WDFY2: variants seen among roughly 807,000 people sequenced by gnomAD.
WDFY2 encodes WD repeat and FYVE domain-containing protein 2.
In WDFY2, 36 loss-of-function variants were observed where a neutral mutation model predicts 56.4. The observed-to-expected ratio is 0.64, with a 90% CI of 0.49 to 0.84. WDFY2 has a LOEUF of 0.84. Among genes scored for constraint, WDFY2 ranks in the 40% least tolerant of loss-of-function variants. The pLI, the probability that WDFY2 is intolerant of heterozygous loss-of-function variation, is 0.00. For missense variants in WDFY2, 444 were observed against 512.2 expected (o/e 0.87, Z 1.29); for synonymous variants, 176 against 183.7 (o/e 0.96, Z 0.34).
rs1445467399 is a variant in WDFY2, at chr13:51,739,109, A to T, written c.659A>T (p.Asp220Val). ...VQRVLFSGSSDHSVIMWDIGG... is the reference protein window; with the variant it reads ...VQRVLFSGSSVHSVIMWDIGG... ...CGGGTGTTGTTCTCAGGCAGTTCAG[A>T]TCACTCTGTCATCATGTGGGACATC... Residue 220 changes from aspartate to valine, a missense_variant, in exon 7 of 12, where the codon GAT (aspartate) becomes GTT (valine). Physicochemically the swap from Asp to Val is radical, Grantham distance 152 (BLOSUM62 -3). Transcript: ENST00000298125. 1 of 1,603,416 alleles carries T rather than the reference A, an allele frequency of 6.2e-7. No individual in the cohort carries two copies. The highest frequency in any genetic ancestry group is 1.3e-5 in the African/African-American group (1 of 74,618).
chr13:51,757,568 T>C (rs1200828878), intron 10 of WDFY2, among the ~76,000 whole-genome samples: 1 of 151,676 alleles, frequency 6.6e-6, no homozygotes, highest in Non-Finnish European at 1.5e-5. Flanking sequence ...CTGTTTCTTC[T>C]GCCTCTTCTC....
At chr13:51,639,536 C>G (rs1955117073) in intron 1 of WDFY2, among the ~76,000 whole-genome samples, 2 of 151,704 alleles carry the variant, frequency 1.3e-5, no homozygotes, top group South Asian at 4.2e-4. Flanking sequence ...TGTTTTATAC[C>G]TCCTTTGTAT....
chr13:51,681,110 C>T (rs77740180), intron 3 of WDFY2, among the ~76,000 whole-genome samples: 7,705 of 152,202 alleles, frequency 0.051, 244 homozygotes, highest in Middle Eastern at 0.085. Context: ...TCATGTTCTA[C>T]GGTGACGACA....
chr13:51,584,641 C>T lies in WDFY2; in HGVS notation c.-47C>T. 1.3e-6 allele frequency: 2 copies of T among 1,583,626 alleles called. No homozygotes were observed. Among genetic ancestry groups the T allele is most frequent in the Non-Finnish European group, 1.7e-6 (2 of 1,168,032 alleles). On this transcript the variant is annotated 5_prime_UTR_variant, in exon 1 of 12. Coordinates refer to ENST00000298125, the MANE Select transcript of WDFY2 (RefSeq NM_052950.4). ...GCTCCAGCAGTCTCCTCAGCCCGGC[C>T]CCGCGGCGCGGTTGGCGGCGGCGCC...
At chr13:51,701,649 T>G (rs1951987388) in intron 3 of WDFY2, among the ~76,000 whole-genome samples, 1 of 152,010 alleles carries the variant, frequency 6.6e-6, no homozygotes, top group African/African-American at 2.4e-5. Flanking sequence ...AGTGAACTGG[T>G]AATTTTATTT....
intron 4 of WDFY2, among the ~76,000 whole-genome samples, chr13:51,705,687 G>A (rs192501638): frequency 6.6e-6 from 1 of 152,030 alleles, no homozygotes; most frequent in Admixed American, 6.6e-5. Context: ...AGGGTAGATG[G>A]GGTATCTGTC....
At chr13:51,732,686 A>G (rs1356026340) in intron 6 of WDFY2, among the ~76,000 whole-genome samples, 1 of 152,248 alleles carries the variant, frequency 6.6e-6, no homozygotes, top group Non-Finnish European at 1.5e-5. Flanking sequence ...GCAAGTTCAT[A>G]TAGTTTAGAA....
chr13:51,706,250 G>A (rs995664225), intron 4 of WDFY2, among the ~76,000 whole-genome samples: 2 of 152,142 alleles, frequency 1.3e-5, no homozygotes, highest in Non-Finnish European at 2.9e-5. Flanking sequence ...CTAGGCTCAT[G>A]GGAGATACAA....
intron 1 of WDFY2, among the ~76,000 whole-genome samples, chr13:51,651,465 AT>A (rs1358279566): frequency 2.0e-5 from 3 of 151,970 alleles, no homozygotes; most frequent in African/African-American, 4.8e-5. Context: ...TAGCTTTTGA[AT>A]GTGTTTGCTC....
Position 51,617,480 on chromosome 13 carries a change from A to G in WDFY2, c.137+32656A>G, listed in dbSNP as rs539927993. Among the ~76,000 whole-genome samples the G allele has an allele frequency of 2.0e-5, 3 of 152,126 alleles. No individual in the cohort carries two copies. The South Asian group carries it at 6.2e-4, about 31-fold the overall frequency. On this transcript the variant is annotated intron_variant, in intron 1 of 11. Coordinates refer to ENST00000298125, the MANE Select transcript of WDFY2 (RefSeq NM_052950.4). The stretch of plus-strand genomic sequence containing the variant: ...CTTATTATGATGTTCATCATTCAGT[A>G]CAAAGTTGTCCTCATCTGGACATCA...
At chr13:51,629,442 GA>G (rs1333931167) in intron 1 of WDFY2, among the ~76,000 whole-genome samples, 1 of 152,142 alleles carries the variant, frequency 6.6e-6, no homozygotes, top group Admixed American at 6.5e-5. Context: ...AATTTAATAT[GA>G]CTTTGGAAGA....
At chr13:51,647,415 T>A (rs950196632) in intron 1 of WDFY2, among the ~76,000 whole-genome samples, 8 of 152,176 alleles carry the variant, frequency 5.3e-5, no homozygotes, top group African/African-American at 1.9e-4. Flanking sequence ...ATGGTGAGTA[T>A]GTGTGTATCT....
At chr13:51,708,634 A>G (rs1952142250) in intron 4 of WDFY2, among the ~76,000 whole-genome samples, 1 of 152,182 alleles carries the variant, frequency 6.6e-6, no homozygotes, top group Non-Finnish European at 1.5e-5. Context: ...GGGTGGAAAA[A>G]TATAAAACAA....
At chr13:51,629,829 T>TC (rs1420389588) in intron 1 of WDFY2, among the ~76,000 whole-genome samples, 1 of 147,964 alleles carries the variant, frequency 6.8e-6, no homozygotes, top group Non-Finnish European at 1.5e-5. Flanking sequence ...TTCTTTTCTT[T>TC]TTTTTTTTTT....
intron 2 of WDFY2, among the ~76,000 whole-genome samples, chr13:51,671,993 A>T (rs578168032): frequency 1.4e-4 from 22 of 152,176 alleles, no homozygotes; most frequent in African/African-American, 5.1e-4. Flanking sequence ...CATGTTGGCC[A>T]GGCTGGTCTC....
In WDFY2 at chr13:51,669,878, G is replaced by A. The variant is rs573228779; in HGVS notation, c.206-5292G>A. Among the ~76,000 whole-genome samples, 5 of 152,262 alleles carry A rather than the reference G, an allele frequency of 3.3e-5. No individual in the cohort carries two copies. In the South Asian group the frequency reaches 1.0e-3, roughly 32 times the overall value. On this transcript the variant is annotated intron_variant, in intron 2 of 11. Transcript: ENST00000298125. ...CAGTTAAAAGTGGGGGTCATAAATA[G>A]ATCTTCACAATTTGTATCATGCTAT...
intron 3 of WDFY2, among the ~76,000 whole-genome samples, chr13:51,685,260 T>G (rs1226379287): frequency 6.6e-6 from 1 of 152,210 alleles, no homozygotes; most frequent in Non-Finnish European, 1.5e-5. Flanking sequence ...TACTTTAGTA[T>G]TTGTGTATCA....
At chr13:51,713,072 TAC>T (rs1952260517) in intron 4 of WDFY2, among the ~76,000 whole-genome samples, 1 of 152,200 alleles carries the variant, frequency 6.6e-6, no homozygotes, top group Non-Finnish European at 1.5e-5. Flanking sequence ...ATGCAAGCTT[TAC>T]ACAGACTCTT....
chr13:51,760,595 T>G lies in WDFY2; in HGVS notation c.*826T>G, dbSNP rs959522599. ...TCCTGAGCCTCTTGTTTTAGCTTTT[T>G]TGACGCAGCTCTCCCTCACTCGTAA... On this transcript the variant is annotated 3_prime_UTR_variant, in exon 12 of 12. Transcript: ENST00000298125. 2.0e-5 allele frequency: 3 copies of G among 152,204 alleles called. No individual in the cohort carries two copies. The highest frequency in any genetic ancestry group is 2.9e-5 in the Non-Finnish European group (2 of 68,034). 9.4% of individuals were successfully genotyped at this position (152,204 alleles called of 1,614,324 possible).
Sources: gnomAD v4.1 joint callset for allele counts (sites outside exome capture counted in the v4.1 genomes callset) on GRCh38, gnomAD v4.1.1 for gene constraint, MANE v1.5 for transcripts, NCBI Gene and HGNC (gene_info 2026-07-23, HGNC 2026-07-21) for gene names.